Variants in OPTC observed in about 807,000 individuals in gnomAD.
OPTC encodes the protein opticin, also known as oculoglycan.
In OPTC, 22 loss-of-function variants were observed where a neutral mutation model predicts 25.4. That is an observed-to-expected ratio of 0.87 (90% CI 0.62 to 1.24). The LOEUF is 1.24. Ranked by LOEUF, OPTC falls within the 50% of genes most tolerant of loss-of-function variation. The pLI is 0.00. For missense variants in OPTC, 417 were observed against 425.2 expected, an observed-to-expected ratio of 0.98 and a Z score of 0.17; for synonymous variants, 169 against 179.3, an observed-to-expected ratio of 0.94 and a Z score of 0.46.
chr1:203,497,922 G>C (rs1225555542), intron 3 of OPTC, among the ~76,000 whole-genome samples: 2 of 152,198 alleles, frequency 1.3e-5, no homozygotes, highest in African/African-American at 4.8e-5. Context: ...GCAGAGAAGA[G>C]CTCCTTAATC....
Position 203,499,658 on chromosome 1 carries a change from A to G in OPTC, c.539A>G (p.Lys180Arg), listed in dbSNP as rs780203083. 4.3e-6 allele frequency: 7 copies of G among 1,613,330 alleles called. No individual in the cohort carries two copies. The highest frequency in any genetic ancestry group is 5.1e-6 in the Non-Finnish European group (6 of 1,179,830). ...CCCTAACCTCTCTCAGCAAAGTTGA[A>G]GAGGATTGACCTCTCCAACAACCTC... ...AEDFKGLTKL[K>R]RIDLSNNLIS... Residue 180 changes from lysine to arginine, a missense_variant, in exon 5 of 8, where the codon AAG (lysine) becomes AGG (arginine). Transcript: ENST00000367222.
At chr1:203,501,949 T>C (rs1170221576) in intron 5 of OPTC, among the ~76,000 whole-genome samples, 1 of 152,162 alleles carries the variant, frequency 6.6e-6, no homozygotes, top group Non-Finnish European at 1.5e-5. Flanking sequence ...CAGAGCTGTT[T>C]TCTCAGCCCA....
chr1:203,496,259 T>G, intron 2 of OPTC, 23 bp downstream of exon 2: 1 of 1,559,930 alleles, frequency 6.4e-7, no homozygotes, highest in South Asian at 1.1e-5. Flanking sequence ...GCAGACCAAC[T>G]ACATTCCCTG....
chr1:203,506,690 CA>C (rs1283045690), intron 7 of OPTC, among the ~76,000 whole-genome samples: 1 of 152,132 alleles, frequency 6.6e-6, no homozygotes, highest in Non-Finnish European at 1.5e-5. Flanking sequence ...TTAATTCCAG[CA>C]AAAACCCTAG....
intron 5 of OPTC, 49 bp from the exon 6 acceptor site, chr1:203,502,865 G>T: frequency 1.4e-6 from 2 of 1,452,354 alleles, no homozygotes; most frequent in East Asian, 2.3e-5. Context: ...CTCACTGCCA[G>T]GGTCCAACAG....
rs550558167 is a variant in OPTC at position 203,503,879 on chromosome 1, C to T, written c.*25+134C>T. ...CTTGCAAATATCACACACATGCACA[C>T]GCATGCATACACACACACACTCATG... On this transcript the variant is annotated intron_variant, in intron 7 of 7. Coordinates refer to ENST00000367222, the MANE Select transcript of OPTC (RefSeq NM_014359.4). 5.4e-4 allele frequency: 415 copies of T among 762,648 alleles called. 6 individuals carry two copies. Among genetic ancestry groups the T allele is most frequent in the South Asian group, 3.7e-3 (251 of 67,686 alleles). The allele number at this position is 762,648 out of a possible 1,614,324, so 47.2% of individuals were successfully genotyped here.
rs907985750 is a variant in OPTC, at chr1:203,496,994, C to T, written c.249C>T (p.Leu83=). ...ATCTCCAGGTTAAGGTGACTAGCCTCGCTCCTGCAACCAGCATCAGTCCCG... is the reference window on the plus strand; with the variant it reads ...ATCTCCAGGTTAAGGTGACTAGCCTTGCTCCTGCAACCAGCATCAGTCCCG... ...DQLPEVKVTS[L]APATSISPAK... Residue 83 remains leucine, a synonymous_variant, in exon 3 of 8, where the codon CTC becomes CTT. Transcript: ENST00000367222. 4 of 1,614,078 alleles carry T rather than the reference C, an allele frequency of 2.5e-6. No homozygotes were observed. Among genetic ancestry groups the T allele is most frequent in the East Asian group, 2.2e-5 (1 of 44,882 alleles).
At chr1:203,495,034 A>G (rs1159762081) in intron 1 of OPTC, among the ~76,000 whole-genome samples, 1 of 152,240 alleles carries the variant, frequency 6.6e-6, no homozygotes, top group Non-Finnish European at 1.5e-5. Flanking sequence ...AGTATATTTC[A>G]TAAACTAACA....
intron 4 of OPTC, 87 bp downstream of exon 4, chr1:203,498,926 C>A (rs1365975026): frequency 1.4e-6 from 2 of 1,427,056 alleles, no homozygotes; most frequent in Non-Finnish European, 2.0e-6. Flanking sequence ...TGTGTTAGTG[C>A]CCCCCGTGTT....
rs1000878419 is a variant in OPTC at position 203,494,678 on chromosome 1, TA to T, written c.-42+469del. ...AGAAAATAAAATAAAAATTAAAAGATAAAAAAAATTTTAAAAGAAAGAAAGA... is the reference window on the plus strand; with the variant it reads ...AGAAAATAAAATAAAAATTAAAAGATAAAAAAATTTTAAAAGAAAGAAAGA... On this transcript the variant is annotated intron_variant, in intron 1 of 7. Coordinates refer to ENST00000367222, the MANE Select transcript of OPTC (RefSeq NM_014359.4). 5.3e-5 allele frequency among the ~76,000 whole-genome samples: 8 copies of T among 152,010 alleles called. No individual in the cohort carries two copies. In the East Asian group the frequency reaches 7.7e-4, roughly 15 times the overall value.
intron 2 of OPTC, among the ~76,000 whole-genome samples, chr1:203,496,577 T>A (rs1020839899): frequency 1.3e-5 from 2 of 152,222 alleles, no homozygotes; most frequent in Non-Finnish European, 2.9e-5. Context: ...TCTGAAGTTC[T>A]TTCCCAGGTC....
At chr1:203,507,392 G>T (rs894797202) in intron 7 of OPTC, among the ~76,000 whole-genome samples, 14 of 152,194 alleles carry the variant, frequency 9.2e-5, no homozygotes, top group African/African-American at 3.4e-4. Flanking sequence ...TAGCTTGAGG[G>T]CCTCATGCCA....
chr1:203,508,767 T>TC lies in OPTC; in HGVS notation c.*151dup, dbSNP rs910223708. 3.9e-5 allele frequency: 6 copies of TC among 152,052 alleles called. No homozygotes were observed. Among genetic ancestry groups the TC allele is most frequent in the African/African-American group, 1.4e-4 (6 of 41,386 alleles). 9.4% of individuals were successfully genotyped at this position (152,052 alleles called of 1,614,324 possible). On this transcript the variant is annotated 3_prime_UTR_variant, in exon 8 of 8. Transcript: ENST00000367222. ...TGCAGGGGGAGGAGGCCTGCTTCTT[T>TC]CCCCACAGCTCTCACGTCTCCCTTC...
At chr1:203,498,576 T>A (rs1661315542) in intron 3 of OPTC, 105 bp from the exon 4 acceptor site, 1 of 1,411,116 alleles carries the variant, frequency 7.1e-7, no homozygotes, top group African/African-American at 1.4e-5. Flanking sequence ...CCATAGGCTA[T>A]CAAAAAGGCA....
In OPTC at chr1:203,496,119, C is replaced by G. The variant is rs139083417; in HGVS notation, c.114C>G (p.Gly38=). The change falls in exon 2 of 8, where the codon GGC becomes GGG. Residue 38 remains glycine (G), a synonymous_variant. Transcript: ENST00000367222. ...GAGAGGAGCAGATGCCCAGGGAAGG[C>G]GATTCCTTTGAAGTTCTGCCTCTGC... is the stretch of plus-strand genomic sequence containing the variant. ...KRREEQMPRE[G]DSFEVLPLRN... is the part of the protein sequence containing the mutation. 6.2e-7 allele frequency: 1 copy of G among 1,614,032 alleles called. No individual in the cohort carries two copies. Among genetic ancestry groups the G allele is most frequent in the East Asian group, 2.2e-5 (1 of 44,864 alleles).
At chr1:203,502,407 G>A (rs114133857) in intron 5 of OPTC, among the ~76,000 whole-genome samples, 353 of 152,286 alleles carry the variant, frequency 2.3e-3, no homozygotes, top group African/African-American at 7.9e-3. Context: ...AGCAGGTCAT[G>A]CCAGTGAGAG....
intron 2 of OPTC, among the ~76,000 whole-genome samples, chr1:203,496,530 C>T (rs893568116): frequency 7.9e-5 from 12 of 152,164 alleles, no homozygotes; most frequent in African/African-American, 2.2e-4. Context: ...AATAAAAGTG[C>T]CACATCCCCC....
chr1:203,497,381 C>T (rs529972160), intron 3 of OPTC, among the ~76,000 whole-genome samples: 1 of 152,294 alleles, frequency 6.6e-6, no homozygotes, highest in Admixed American at 6.5e-5. Flanking sequence ...TCCCTTATGC[C>T]CTAGCAAAGC....
chr1:203,498,817 G>A lies in OPTC; in HGVS notation c.507G>A (p.Arg169=), dbSNP rs752310414. ...YARFNRISRI[R]AEDFKGLTKL... is the part of the protein sequence containing the mutation. ...GCTTCAACCGCATCAGCCGTATCAG[G>A]GCCGAAGACTTCAAAGGGCTGAGTA... The change falls in exon 4 of 8, where the codon AGG becomes AGA. Residue 169 remains arginine, a synonymous_variant. Coordinates refer to ENST00000367222, the MANE Select transcript of OPTC (RefSeq NM_014359.4). The A allele has an allele frequency of 2.5e-6, 4 of 1,613,988 alleles. 1 individual carries two copies. The South Asian group carries it at 4.4e-5, about 18-fold the overall frequency.
Sources: gnomAD v4.1 joint callset for allele counts (sites outside exome capture counted in the v4.1 genomes callset) on GRCh38, gnomAD v4.1.1 for gene constraint, MANE v1.5 for transcripts, NCBI Gene and HGNC (gene_info 2026-07-23, HGNC 2026-07-21) for gene names.